Variants in ANXA8 observed in about 807,000 individuals in gnomAD.
ANXA8 encodes the protein annexin A8.
A neutral mutation model predicts 26.8 loss-of-function variants in ANXA8; 9 were observed. The observed-to-expected ratio is 0.34, with a 90% CI of 0.20 to 0.59. ANXA8 has a LOEUF of 0.59. ANXA8 is among the 20% of genes least tolerant of loss of function. The pLI is 0.84. For missense variants in ANXA8, 83 were observed against 238.5 expected (o/e 0.35, Z 4.29); for synonymous variants, 39 against 94.8 (o/e 0.41, Z 3.42).
the ANXA8 span, among the ~76,000 whole-genome samples, chr10:47,685,375 A>T: frequency 6.6e-6 from 1 of 151,014 alleles, no homozygotes; most frequent in South Asian, 2.1e-4. Context: ...AAAGAAAAAA[A>T]AACACAAAAA....
chr10:47,565,339 G>GC, the ANXA8 span: 3 of 512,992 alleles, frequency 5.8e-6, no homozygotes, highest in Admixed American at 3.7e-5. Context: ...AGCCCCCGGC[G>GC]CCCCCCACGG....
At chr10:47,733,185 C>T in the ANXA8 span, among the ~76,000 whole-genome samples, 4 of 113,718 alleles carry the variant, frequency 3.5e-5, no homozygotes, top group Non-Finnish European at 8.2e-5. Context: ...TTCTTTCTTT[C>T]TTTCTTTCTT....
the ANXA8 span, among the ~76,000 whole-genome samples, chr10:47,724,181 C>A: frequency 6.0e-5 from 8 of 133,026 alleles, 1 homozygote; most frequent in Non-Finnish European, 1.3e-4. Flanking sequence ...CCTAGCTGAA[C>A]CTCAATTACT....
chr10:47,488,712 AATTTTT>A (rs1308251004), upstream of ANXA8, among the ~76,000 whole-genome samples: 113 of 95,942 alleles, frequency 1.2e-3, 2 homozygotes, highest in African/African-American at 4.3e-3. Flanking sequence ...TTACATGTTA[AATTTTT>A]TTTTTTTTTT....
At chr10:47,639,119 T>A in the ANXA8 span, among the ~76,000 whole-genome samples, 113 of 149,332 alleles carry the variant, frequency 7.6e-4, no homozygotes, top group Non-Finnish European at 6.9e-4. Context: ...TTTAGTTTTT[T>A]GTTTTTGTTT....
the ANXA8 span, among the ~76,000 whole-genome samples, chr10:47,694,043 G>A: frequency 3.5e-5 from 5 of 143,848 alleles, no homozygotes; most frequent in Non-Finnish European, 7.6e-5. Flanking sequence ...GGCCTTTTCC[G>A]TTTTCCTAGG....
the ANXA8 span, among the ~76,000 whole-genome samples, chr10:47,654,361 A>G: frequency 6.8e-6 from 1 of 146,270 alleles, no homozygotes; most frequent in Non-Finnish European, 1.5e-5. Flanking sequence ...GTCAACATCA[A>G]TGAATAGGTA....
the ANXA8 span, chr10:47,696,593 T>C: frequency 8.5e-7 from 1 of 1,171,544 alleles, no homozygotes. Context: ...AAAATGGTTC[T>C]TTTACAAAAT....
chr10:47,954,627 C>A, the ANXA8 span, among the ~76,000 whole-genome samples: 5 of 151,120 alleles, frequency 3.3e-5, no homozygotes, highest in African/African-American at 1.2e-4. Context: ...GTGATTATTA[C>A]GCATTGCATG....
chr10:47,928,748 C>CTTTTT, the ANXA8 span, among the ~76,000 whole-genome samples: 2 of 96,026 alleles, frequency 2.1e-5, no homozygotes, highest in African/African-American at 8.3e-5. Flanking sequence ...TTCTCTCTCT[C>CTTTTT]TCTTTTTTTT....
At chr10:47,647,274 T>G in the ANXA8 span, among the ~76,000 whole-genome samples, 1,309 of 150,294 alleles carry the variant, frequency 8.7e-3, 20 homozygotes, top group African/African-American at 0.031. Context: ...TTATTGATAT[T>G]TTTTCTTCTT....
Position 47,474,943 on chromosome 10 carries a change from A to T in ANXA8, c.552+2T>A. On this transcript the variant is annotated splice_donor_variant, in intron 7 of 11. Coordinates refer to ENST00000585281, the MANE Select transcript of ANXA8 (RefSeq NM_001040084.3). LOFTEE classifies it high-confidence loss of function. ...CACATGGCCGGCTGGGCGCAGCCTC[A>T]CCTGTGCGTCTTGGAGGGCCAGTCC... 1.3e-6 allele frequency: 2 copies of T among 1,532,186 alleles called. No individual in the cohort carries two copies. Among genetic ancestry groups the T allele is most frequent in the Non-Finnish European group, 1.8e-6 (2 of 1,132,946 alleles). 94.9% of individuals were successfully genotyped at this position (1,532,186 alleles called of 1,614,324 possible). A position where few individuals can be genotyped will look rare whatever the true frequency, so the allele number is the denominator to read the frequency against.
the ANXA8 span, among the ~76,000 whole-genome samples, chr10:47,515,881 G>A: frequency 2.8e-5 from 3 of 105,732 alleles, 1 homozygote; most frequent in Non-Finnish European, 3.8e-5. Flanking sequence ...CAGAAATCCT[G>A]CTTCCAAATA....
At chr10:47,932,306 T>C in the ANXA8 span, among the ~76,000 whole-genome samples, 1 of 150,714 alleles carries the variant, frequency 6.6e-6, no homozygotes, top group Non-Finnish European at 1.5e-5. Flanking sequence ...GGAGGTGAGA[T>C]TGGGGGCAGG....
chr10:47,483,946 G>T lies in ANXA8; in HGVS notation c.-13C>A, dbSNP rs1488143014. 189 of 1,611,528 alleles carry T rather than the reference G, an allele frequency of 1.2e-4. No homozygotes were observed. Among genetic ancestry groups the T allele is most frequent in the Non-Finnish European group, 1.5e-4 (182 of 1,179,852 alleles). On this transcript the variant is annotated 5_prime_UTR_variant, in exon 1 of 12. Coordinates refer to ENST00000585281, the MANE Select transcript of ANXA8 (RefSeq NM_001040084.3). ...TCCACCAGGCCATCTCTTTCACCTC[G>T]GGGGCACCTTTCCCAGGGAGATGAA... is the stretch of plus-strand genomic sequence containing the variant.
the ANXA8 span, among the ~76,000 whole-genome samples, chr10:47,971,302 A>G: frequency 6.6e-6 from 1 of 151,276 alleles, no homozygotes; most frequent in African/African-American, 2.4e-5. Flanking sequence ...CCTTTCTTGT[A>G]TCAGTGAAGG....
chr10:47,693,337 T>TGG, the ANXA8 span, among the ~76,000 whole-genome samples: 243 of 150,618 alleles, frequency 1.6e-3, 1 homozygote, highest in South Asian at 5.6e-3. Context: ...GCACCCAGGC[T>TGG]AGAGTGCAGT....
the ANXA8 span, among the ~76,000 whole-genome samples, chr10:47,571,577 C>A: frequency 9.4e-3 from 1,374 of 146,156 alleles, 20 homozygotes; most frequent in African/African-American, 0.033. Context: ...CAAAACAAAA[C>A]AAAAAAAAAG....
At chr10:47,489,307 C>T in the ANXA8 span, among the ~76,000 whole-genome samples, 10 of 144,004 alleles carry the variant, frequency 6.9e-5, no homozygotes, top group South Asian at 1.1e-3. Context: ...CATGAGCCAC[C>T]GCACCCTGCC....
Sources: gnomAD v4.1 joint callset for allele counts (sites outside exome capture counted in the v4.1 genomes callset) on GRCh38, gnomAD v4.1.1 for gene constraint, MANE v1.5 for transcripts, NCBI Gene and HGNC (gene_info 2026-07-23, HGNC 2026-07-21) for gene names.